AXIN2: variants seen among roughly 807,000 people sequenced by gnomAD.
The protein encoded by AXIN2 is axin-2.
Under a neutral mutation model 74.7 loss-of-function variants are expected in AXIN2, and 21 were observed. The ratio of observed to expected loss-of-function variants is 0.28; its 90% confidence interval spans 0.20 to 0.40. AXIN2 has a LOEUF of 0.40. Among genes scored for constraint, AXIN2 ranks in the 10% least tolerant of loss-of-function variants. The pLI is 1.00. For synonymous variants in AXIN2, 532 were observed against 454.9 expected (o/e 1.17, Z -2.16); for missense variants, 1,144 against 1,111.1 (o/e 1.03, Z -0.42).
At chr17:65,537,945 C>CGCCCACAGCCACGCCCAT (rs2043968002) in intron 5 of AXIN2, 110 bp from the exon 6 acceptor site, 1 of 1,418,904 alleles carries the variant, frequency 7.0e-7, no homozygotes, top group South Asian at 1.4e-5. Flanking sequence ...CCCGTGTGCA[C>CGCCCACAGCCACGCCCAT]GCCCACAGCC....
At position 65,529,397 on chromosome 17, in the gene AXIN2, A is replaced by G. The variant is rs1380527180; in HGVS notation, c.*579T>C. 2 of 242,956 alleles carry G rather than the reference A, an allele frequency of 8.2e-6. No homozygotes were observed. The highest frequency in any genetic ancestry group is 5.9e-5 in the East Asian group (1 of 16,986). The allele number at this position is 242,956 out of a possible 1,614,324, so 15.1% of individuals were successfully genotyped here. On this transcript the variant is annotated 3_prime_UTR_variant, in exon 11 of 11. Transcript: ENST00000307078. ...CTGCATGTGTCAATGGTAGGGCACCATTTTAAAAAGTCTGTCTAAAACAGT... is the reference window on the plus strand; with the variant it reads ...CTGCATGTGTCAATGGTAGGGCACCGTTTTAAAAAGTCTGTCTAAAACAGT...
chr17:65,537,012 C>T lies in AXIN2; in HGVS notation c.1764G>A (p.Pro588=), dbSNP rs1437268396. Residue 588 remains proline (P), a synonymous_variant, in exon 7 of 11, where the codon CCG becomes CCA. Transcript: ENST00000307078. ...LPKRNGKGTE[P]GLALPAREGG... ...CTTCCCTGGCGGGCAGGGCCAGGCC[C>T]GGCTCCGTGCCTTTCCCATTGCGTT... The T allele has an allele frequency of 1.9e-6, 3 of 1,611,174 alleles. No homozygotes were observed. The highest frequency in any genetic ancestry group is 1.7e-5 in the Admixed American group (1 of 60,000).
chr17:65,531,467 C>T (rs769550320), intron 10 of AXIN2, among the ~76,000 whole-genome samples: 12 of 151,818 alleles, frequency 7.9e-5, no homozygotes, highest in Non-Finnish European at 1.3e-4. Flanking sequence ...GGGAGGGGCT[C>T]TGTGCACAGG....
intron 10 of AXIN2, among the ~76,000 whole-genome samples, chr17:65,533,193 G>A (rs1392796454): frequency 6.6e-6 from 1 of 152,232 alleles, no homozygotes; most frequent in Non-Finnish European, 1.5e-5. Context: ...TGCAGACAAG[G>A]TAAGGAGACC....
Position 65,558,282 on chromosome 17 carries a change from G to A in AXIN2, c.339C>T (p.Ala113=), listed in dbSNP as rs1598119867. 2.5e-6 allele frequency: 4 copies of A among 1,614,140 alleles called. No individual in the cohort carries two copies. Among genetic ancestry groups the A allele is most frequent in the African/African-American group, 1.3e-5 (1 of 75,016 alleles). Residue 113 remains alanine (A), a synonymous_variant, in exon 2 of 11, where the codon GCC becomes GCT. Coordinates refer to ENST00000307078, the MANE Select transcript of AXIN2 (RefSeq NM_004655.4). ...KCVDTLDFWF[A]CNGFRQMNLK... ...GGTTCATCTGCCTGAATCCATTGCAGGCAAACCAGAAGTCTAAGGTATCCA... is the reference window on the plus strand; with the variant it reads ...GGTTCATCTGCCTGAATCCATTGCAAGCAAACCAGAAGTCTAAGGTATCCA...
chr17:65,533,862 TG>T (rs767109875), intron 10 of AXIN2, 49 bp downstream of exon 10: 2 of 1,585,598 alleles, frequency 1.3e-6, no homozygotes, highest in South Asian at 2.2e-5. Context: ...CTCTGGCTCT[TG>T]GTTCTGAGCA....
intron 2 of AXIN2, among the ~76,000 whole-genome samples, chr17:65,555,277 A>G (rs1282390512): frequency 6.6e-6 from 1 of 152,110 alleles, no homozygotes; most frequent in Non-Finnish European, 1.5e-5. Context: ...CATTCATTTT[A>G]CTAACTTATT....
rs1555579332 is a variant in AXIN2 at position 65,541,489 on chromosome 17, T to A, written c.1025A>T (p.Lys342Met). ...AGGTAGAGACACTTGGCCATTGGCC[T>A]TCACACTGCGATGCATTTCTCTCTG... ...QLQREMHRSV[K>M]ANGQVSLPHF... The change falls in exon 4 of 11, where the codon AAG becomes ATG. Residue 342 changes from lysine (K) to methionine (M), a missense_variant. Physicochemically the swap from Lys to Met is moderately conservative, Grantham distance 95. Coordinates refer to ENST00000307078, the MANE Select transcript of AXIN2 (RefSeq NM_004655.4). 1.9e-6 allele frequency: 3 copies of A among 1,614,184 alleles called. No homozygotes were observed. Among genetic ancestry groups the A allele is most frequent in the Non-Finnish European group, 2.5e-6 (3 of 1,180,022 alleles).
At chr17:65,540,841 T>A (rs751424869) in intron 4 of AXIN2, among the ~76,000 whole-genome samples, 50 of 152,104 alleles carry the variant, frequency 3.3e-4, no homozygotes, top group Non-Finnish European at 2.8e-4. Flanking sequence ...GCGCCATGGT[T>A]CTTGAATAGC....
At chr17:65,535,870 AC>A (rs2043903632) in intron 8 of AXIN2, 149 bp from the exon 9 acceptor site, 1 of 762,934 alleles carries the variant, frequency 1.3e-6, no homozygotes, top group African/African-American at 1.7e-5. Context: ...CCCTGGGTTA[AC>A]AGTGGCTGAA....
intron 4 of AXIN2, 112 bp downstream of exon 4, chr17:65,541,343 T>G: frequency 2.1e-6 from 2 of 963,890 alleles, no homozygotes; most frequent in South Asian, 2.6e-5. Flanking sequence ...GGACCTTAGG[T>G]ACTGCTCTTT....
At chr17:65,559,987 A>C (rs1198288053) in intron 1 of AXIN2, 1 of 152,110 alleles carries the variant, frequency 6.6e-6, no homozygotes, top group Non-Finnish European at 1.5e-5. Context: ...CCAGGCTCTC[A>C]TGTCCTCCGA....
chr17:65,530,289 G>C (rs2043795295), intron 10 of AXIN2, among the ~76,000 whole-genome samples, 187 bp from the exon 11 acceptor site: 1 of 152,204 alleles, frequency 6.6e-6, no homozygotes, highest in African/African-American at 2.4e-5. Context: ...AAGCAGGTGG[G>C]CCGAGATGAT....
rs775428814 is a variant in AXIN2 at position 65,538,667 on chromosome 17, CAAAAAAAAAAAAAAAAAAAAAAAA to C, written c.1060-348_1060-325del. ...ATCTTCAAAGACTGTTGTCAACCAT[CAAAAAAAAAAAAAAAAAAAAAAAA>C]AAAAAAAAAAAAAAGGCAGCCCTCT... On this transcript the variant is annotated intron_variant, in intron 4 of 10. Transcript: ENST00000307078. Among the ~76,000 whole-genome samples, 15 of 35,828 alleles carry C rather than the reference CAAAAAAAAAAAAAAAAAAAAAAAA, an allele frequency of 4.2e-4. 2 individuals are homozygous for C. Among genetic ancestry groups the C allele is most frequent in the African/African-American group, 1.4e-3 (13 of 9,092 alleles). 23.5% of individuals were successfully genotyped at this position (35,828 alleles called of 152,430 possible).
At position 65,536,928 on chromosome 17, in the gene AXIN2, C is replaced by T. The variant is rs1362072020; in HGVS notation, c.1848G>A (p.Ser616=). The T allele has an allele frequency of 6.2e-7, 1 of 1,613,658 alleles. No homozygotes were observed. The highest frequency in any genetic ancestry group is 8.5e-7 in the Non-Finnish European group (1 of 1,180,000). Reference sequence around the variant, plus strand: ...CCAGCATCCACTGCCAGACATCCTGCGACCTGTCTCCTTCCTCCCGGGGAA... The same window carrying T: ...CCAGCATCCACTGCCAGACATCCTGTGACCTGTCTCCTTCCTCCCGGGGAA... ...LQLPREEGDR[S]QDVWQWMLES... is the part of the protein sequence containing the mutation. The change falls in exon 7 of 11, where the codon TCG becomes TCA. Residue 616 remains serine, a synonymous_variant. Coordinates refer to ENST00000307078, the MANE Select transcript of AXIN2 (RefSeq NM_004655.4).
At chr17:65,537,178 T>C in intron 6 of AXIN2, 115 bp from the exon 7 acceptor site, 2 of 1,532,326 alleles carry the variant, frequency 1.3e-6, no homozygotes, top group Non-Finnish European at 1.8e-6. Context: ...CCCATGCACC[T>C]GCTCCCCGCA....
chr17:65,557,122 A>T (rs2044278277), intron 2 of AXIN2, among the ~76,000 whole-genome samples: 2 of 152,158 alleles, frequency 1.3e-5, no homozygotes, highest in African/African-American at 2.4e-5. Context: ...AAAATAATCA[A>T]CTGAAGTCTG....
rs2043958652 is a variant in AXIN2 at position 65,537,703 on chromosome 17, T to C, written c.1333A>G (p.Arg445Gly). The change falls in exon 6 of 11, where the codon AGG becomes GGG. Residue 445 changes from arginine (R) to glycine (G), a missense_variant. Physicochemically the swap from Arg to Gly is moderately radical, Grantham distance 125 (BLOSUM62 -2). Coordinates refer to ENST00000307078, the MANE Select transcript of AXIN2 (RefSeq NM_004655.4). ...PQTILDDHLS[R>G]VLKTPGCQSP... ...TGGCAGCCAGGGGTCTTGAGGACCC[T>C]GGACAGGTGATCGTCCAGTATCGTC... The C allele has an allele frequency of 6.4e-7, 1 of 1,558,504 alleles. No individual in the cohort carries two copies. Among genetic ancestry groups the C allele is most frequent in the African/African-American group, 1.4e-5 (1 of 73,652 alleles).
intron 5 of AXIN2, 48 bp from the exon 6 acceptor site, chr17:65,537,883 G>A (rs199530223): frequency 2.3e-5 from 34 of 1,502,770 alleles, no homozygotes; most frequent in Non-Finnish European, 2.4e-5. Flanking sequence ...AAGCAGAAGG[G>A]CCAGAGGCCC....
Sources: gnomAD v4.1 joint callset for allele counts (sites outside exome capture counted in the v4.1 genomes callset) on GRCh38, gnomAD v4.1.1 for gene constraint, MANE v1.5 for transcripts, NCBI Gene and HGNC (gene_info 2026-07-23, HGNC 2026-07-21) for gene names.